NUBPL: variants seen among roughly 807,000 people sequenced by gnomAD.
NUBPL encodes NUBP iron-sulfur cluster assembly factor, mitochondrial, also known as iron-sulfur cluster transfer protein NUBPL.
In NUBPL, 31 loss-of-function variants were observed where a neutral mutation model predicts 45.7. That is an observed-to-expected ratio of 0.68 (90% confidence interval 0.51 to 0.92). The LOEUF (loss-of-function observed/expected upper bound fraction) is 0.92, where lower values mean the gene tolerates loss of function less well. NUBPL is among the 40% of genes least tolerant of loss of function. The pLI is 0.00. For missense variants in NUBPL, 401 were observed against 398.7 expected (o/e 1.01, Z -0.05); for synonymous variants, 144 against 140.9 (o/e 1.02, Z -0.15).
In NUBPL at chr14:31,638,227, C is replaced by T. The variant is rs566185046; in HGVS notation, c.383-35128C>T. 1.5e-4 allele frequency among the ~76,000 whole-genome samples: 23 copies of T among 151,992 alleles called. 1 individual carries two copies. In the East Asian group the frequency reaches 2.3e-3, roughly 15 times the overall value. On this transcript the variant is annotated intron_variant, in intron 4 of 10. Transcript: ENST00000281081. Reference sequence around the variant, plus strand: ...GGCATGATTTTGCAGCAGCTAGTACCGGTTGTTCCTTTCCATGTTTAGTGC... The same window carrying T: ...GGCATGATTTTGCAGCAGCTAGTACTGGTTGTTCCTTTCCATGTTTAGTGC...
intron 6 of NUBPL, among the ~76,000 whole-genome samples, chr14:31,678,976 G>T (rs1224355987): frequency 2.0e-5 from 3 of 152,194 alleles, no homozygotes; most frequent in Non-Finnish European, 2.9e-5. Flanking sequence ...CCTCTGGGAT[G>T]AGCGATTCCC....
intron 4 of NUBPL, among the ~76,000 whole-genome samples, chr14:31,605,488 G>A (rs1324421900): frequency 6.6e-6 from 1 of 152,142 alleles, no homozygotes; most frequent in East Asian, 1.9e-4. Context: ...GTGATTTTGA[G>A]TAGGATCCCC....
chr14:31,594,254 C>CA (rs1013759258), intron 3 of NUBPL, among the ~76,000 whole-genome samples: 1 of 151,626 alleles, frequency 6.6e-6, no homozygotes, highest in Non-Finnish European at 1.5e-5. Flanking sequence ...CCTGTCCCTA[C>CA]AAAAAACGAA....
intron 6 of NUBPL, among the ~76,000 whole-genome samples, chr14:31,756,199 A>G (rs1363072050): frequency 6.6e-6 from 1 of 152,092 alleles, no homozygotes. Context: ...TTTTGGTTCC[A>G]TCTGAACTTT....
At chr14:31,786,276 A>G (rs1009158348) in intron 6 of NUBPL, among the ~76,000 whole-genome samples, 54 of 152,370 alleles carry the variant, frequency 3.5e-4, no homozygotes, top group African/African-American at 1.3e-3. Flanking sequence ...TTAGGTTTAA[A>G]AAAATCAAGT....
chr14:31,649,596 A>G (rs939601424), intron 4 of NUBPL, among the ~76,000 whole-genome samples: 15 of 152,250 alleles, frequency 9.9e-5, no homozygotes, highest in African/African-American at 4.8e-5. Context: ...GTTTAAAAAC[A>G]TACAACTTTA....
intron 10 of NUBPL, among the ~76,000 whole-genome samples, chr14:31,852,267 G>T (rs1443372495): frequency 6.6e-6 from 1 of 152,232 alleles, no homozygotes. Flanking sequence ...GAAACTGCCT[G>T]TATAAGATGT....
chr14:31,684,484 G>A lies in NUBPL; in HGVS notation c.513+10910G>A, dbSNP rs80324493. On this transcript the variant is annotated intron_variant, in intron 6 of 10. Coordinates refer to ENST00000281081, the MANE Select transcript of NUBPL (RefSeq NM_025152.3). ...TGAGGCACTTTCAATTTAATTATCC[G>A]TTAGAAGTTTTGGGGACCACTCTGG... Among the ~76,000 whole-genome samples the A allele has an allele frequency of 9.2e-3, 1,408 of 152,226 alleles. 13 individuals carry two copies. Among genetic ancestry groups the A allele is most frequent in the South Asian group, 0.018 (88 of 4,822 alleles).
chr14:31,739,161 C>T (rs1418624157), intron 6 of NUBPL, among the ~76,000 whole-genome samples: 1 of 136,732 alleles, frequency 7.3e-6, no homozygotes, highest in Non-Finnish European at 1.6e-5. Context: ...TTACAGATGC[C>T]CGCCACCACA....
At chr14:31,591,427 G>T (rs1007459570) in intron 3 of NUBPL, among the ~76,000 whole-genome samples, 1 of 152,146 alleles carries the variant, frequency 6.6e-6, no homozygotes, top group African/African-American at 2.4e-5. Flanking sequence ...CTCCTAAAGT[G>T]CTGGGATTAC....
intron 3 of NUBPL, among the ~76,000 whole-genome samples, chr14:31,566,494 C>T (rs555404421): frequency 6.6e-5 from 10 of 151,882 alleles, no homozygotes; most frequent in Non-Finnish European, 1.2e-4. Context: ...TATGGGGGAC[C>T]TACTTTCATG....
chr14:31,765,034 T>C (rs1172812669), intron 6 of NUBPL, among the ~76,000 whole-genome samples: 1 of 152,196 alleles, frequency 6.6e-6, no homozygotes, highest in Non-Finnish European at 1.5e-5. Flanking sequence ...GACACCTACA[T>C]ATTACATTAA....
intron 7 of NUBPL, among the ~76,000 whole-genome samples, chr14:31,807,674 G>GT (rs2039716698): frequency 1.3e-5 from 2 of 152,274 alleles, no homozygotes; most frequent in South Asian, 4.1e-4. Context: ...TGCTTTTGGT[G>GT]TTTTAGTCAT....
chr14:31,786,030 C>T (rs115892743), intron 6 of NUBPL, among the ~76,000 whole-genome samples: 17 of 151,952 alleles, frequency 1.1e-4, no homozygotes, highest in Non-Finnish European at 1.5e-4. Context: ...TGGTGGCACA[C>T]GTCTATAGTC....
intron 4 of NUBPL, among the ~76,000 whole-genome samples, chr14:31,638,647 T>C (rs1379115976): frequency 2.0e-5 from 3 of 152,198 alleles, no homozygotes; most frequent in Non-Finnish European, 2.9e-5. Flanking sequence ...CCTTGCTAGA[T>C]TGGGGAAGTT....
At chr14:31,635,999 A>G (rs1219450302) in intron 4 of NUBPL, among the ~76,000 whole-genome samples, 9 of 152,282 alleles carry the variant, frequency 5.9e-5, no homozygotes, top group East Asian at 3.9e-4. Flanking sequence ...GGCTGAGACA[A>G]TGGGGTTTTC....
chr14:31,810,708 A>G (rs1023911782), intron 7 of NUBPL, among the ~76,000 whole-genome samples: 1 of 152,156 alleles, frequency 6.6e-6, no homozygotes, highest in African/African-American at 2.4e-5. Context: ...GTTTCTTCCT[A>G]GCATCAATGG....
At chr14:31,673,210 A>G (rs1424200027) in intron 4 of NUBPL, 145 bp from the exon 5 acceptor site, 1 of 659,518 alleles carries the variant, frequency 1.5e-6, no homozygotes, top group African/African-American at 1.8e-5. Flanking sequence ...GTAGACATGT[A>G]TCATAACATT....
chr14:31,613,533 C>T (rs375146889), intron 4 of NUBPL, among the ~76,000 whole-genome samples: 2 of 151,868 alleles, frequency 1.3e-5, no homozygotes, highest in South Asian at 2.1e-4. Flanking sequence ...GTCACAGCAA[C>T]CTCTGCCTCC....
Sources: gnomAD v4.1 joint callset for allele counts (sites outside exome capture counted in the v4.1 genomes callset) on GRCh38, gnomAD v4.1.1 for gene constraint, MANE v1.5 for transcripts, NCBI Gene and HGNC (gene_info 2026-07-23, HGNC 2026-07-21) for gene names.